HPSE2: variants seen among roughly 807,000 people sequenced by gnomAD.
HPSE2 encodes inactive heparanase-2.
A neutral mutation model predicts 60.5 loss-of-function variants in HPSE2; 38 were observed. The ratio of observed to expected loss-of-function variants is 0.63; its 90% confidence interval spans 0.48 to 0.82. HPSE2 has a LOEUF of 0.82. HPSE2 is among the 40% of genes least tolerant of loss of function. The pLI, the probability that HPSE2 is intolerant of heterozygous loss-of-function variation, is 0.00. For missense variants in HPSE2, 713 were observed against 740.4 expected (o/e 0.96, Z 0.43); for synonymous variants, 295 against 293.2 (o/e 1.01, Z -0.06).
chr10:99,140,227 A>G (rs1489702293), intron 3 of HPSE2, among the ~76,000 whole-genome samples: 1 of 152,222 alleles, frequency 6.6e-6, no homozygotes, highest in Non-Finnish European at 1.5e-5. Context: ...TATTTGCCAC[A>G]GTAACACTAT....
chr10:98,474,598 A>C (rs1940921242), intron 11 of HPSE2, among the ~76,000 whole-genome samples: 1 of 152,208 alleles, frequency 6.6e-6, no homozygotes, highest in South Asian at 2.1e-4. Flanking sequence ...AATGAAAGCA[A>C]AAGTTATATC....
intron 3 of HPSE2, among the ~76,000 whole-genome samples, chr10:98,984,191 C>T (rs1237342965): frequency 2.6e-5 from 4 of 152,220 alleles, no homozygotes; most frequent in African/African-American, 9.7e-5. Flanking sequence ...GGCAGACTGC[C>T]TCCTCAAGCA....
the HPSE2 span, among the ~76,000 whole-genome samples, chr10:99,269,452 T>C: frequency 6.6e-6 from 1 of 152,070 alleles, no homozygotes; most frequent in African/African-American, 2.4e-5. Flanking sequence ...CCCAAATTTA[T>C]ACAGCAATTA....
chr10:98,761,714 C>G (rs1010936270), intron 3 of HPSE2, among the ~76,000 whole-genome samples: 1 of 152,070 alleles, frequency 6.6e-6, no homozygotes, highest in African/African-American at 2.4e-5. Flanking sequence ...GACCTAAGAA[C>G]TCCGAAAAGT....
At chr10:98,500,212 C>T (rs1422405026) in intron 9 of HPSE2, among the ~76,000 whole-genome samples, 2 of 152,124 alleles carry the variant, frequency 1.3e-5, no homozygotes. Flanking sequence ...CCAACGACTG[C>T]AGAATACACA....
chr10:98,582,731 A>C (rs944127000), intron 9 of HPSE2, among the ~76,000 whole-genome samples: 2 of 152,218 alleles, frequency 1.3e-5, no homozygotes, highest in Non-Finnish European at 2.9e-5. Flanking sequence ...CCTTTACTTT[A>C]AAGTAAATAC....
intron 3 of HPSE2, among the ~76,000 whole-genome samples, chr10:98,818,871 G>A (rs1312869124): frequency 6.6e-6 from 1 of 152,150 alleles, no homozygotes; most frequent in Non-Finnish European, 1.5e-5. Flanking sequence ...CACCTTGAAT[G>A]GGAAACAATG....
At position 98,493,461 on chromosome 10, in the gene HPSE2, AT is replaced by A. The variant is rs561940980; in HGVS notation, c.1321-3266del. Among the ~76,000 whole-genome samples, 237 of 152,150 alleles carry A rather than the reference AT, an allele frequency of 1.6e-3. 1 individual carries two copies. The highest frequency in any genetic ancestry group is 5.5e-3 in the African/African-American group (229 of 41,530). On this transcript the variant is annotated intron_variant, in intron 9 of 11. Coordinates refer to ENST00000370552, the MANE Select transcript of HPSE2 (RefSeq NM_021828.5). ...TCAATTCTGGCAACTTTCACTTCAT[AT>A]TTTTTTGTGATCTGTAATCAGGTGT...
At chr10:99,254,558 T>C in the HPSE2 span, among the ~76,000 whole-genome samples, 1 of 152,230 alleles carries the variant, frequency 6.6e-6, no homozygotes, top group Non-Finnish European at 1.5e-5. Flanking sequence ...AAAAAAATTT[T>C]AAAAAGAATA....
the HPSE2 span, among the ~76,000 whole-genome samples, chr10:99,251,651 G>A: frequency 5.8e-4 from 37 of 64,080 alleles, no homozygotes; most frequent in Non-Finnish European, 1.2e-3. Flanking sequence ...GATCACATAG[G>A]CTTATAGGCT....
At chr10:98,625,333 A>C (rs1190364395) in intron 7 of HPSE2, among the ~76,000 whole-genome samples, 1 of 152,226 alleles carries the variant, frequency 6.6e-6, no homozygotes, top group South Asian at 2.1e-4. Flanking sequence ...TTATTTGCCA[A>C]ATCTCAGGAT....
chr10:98,756,125 G>T (rs557630944), intron 3 of HPSE2, among the ~76,000 whole-genome samples: 1 of 152,018 alleles, frequency 6.6e-6, no homozygotes, highest in Non-Finnish European at 1.5e-5. Flanking sequence ...TCTTTAAGAC[G>T]AATGAAAACA....
At chr10:98,740,624 T>C (rs1949473982) in intron 4 of HPSE2, among the ~76,000 whole-genome samples, 1 of 152,222 alleles carries the variant, frequency 6.6e-6, no homozygotes, top group South Asian at 2.1e-4. Flanking sequence ...ACTTAAAGTT[T>C]AGCCACTCTA....
At chr10:98,882,966 G>A (rs990171664) in intron 3 of HPSE2, among the ~76,000 whole-genome samples, 4 of 152,032 alleles carry the variant, frequency 2.6e-5, no homozygotes, top group Non-Finnish European at 5.9e-5. Context: ...GTATGATGCC[G>A]AAGATTGTAT....
At chr10:98,802,531 T>C (rs1320276189) in intron 3 of HPSE2, among the ~76,000 whole-genome samples, 1 of 136,654 alleles carries the variant, frequency 7.3e-6, no homozygotes, top group Non-Finnish European at 1.5e-5. Context: ...CCATGTGTTC[T>C]CATTGTTCAA....
intron 3 of HPSE2, among the ~76,000 whole-genome samples, chr10:98,997,588 T>C (rs1197891516): frequency 6.6e-6 from 1 of 152,234 alleles, no homozygotes; most frequent in Non-Finnish European, 1.5e-5. Context: ...TTCCAGCATT[T>C]GTATTTTATA....
At chr10:98,534,764 T>A (rs1214506293) in intron 9 of HPSE2, among the ~76,000 whole-genome samples, 1 of 152,220 alleles carries the variant, frequency 6.6e-6, no homozygotes, top group Admixed American at 6.5e-5. Context: ...AGCTTAGCAC[T>A]AACAGGTAAG....
upstream of HPSE2, among the ~76,000 whole-genome samples, chr10:99,236,391 G>C (rs1044041732): frequency 6.6e-6 from 1 of 152,012 alleles, no homozygotes; most frequent in Non-Finnish European, 1.5e-5. Context: ...CCCGGGACGC[G>C]CTGGGATAGA....
the HPSE2 span, among the ~76,000 whole-genome samples, chr10:99,254,140 C>G: frequency 1.3e-5 from 2 of 152,162 alleles, no homozygotes; most frequent in Non-Finnish European, 1.5e-5. Context: ...CAATTCACAA[C>G]AGCAAACACA....
Sources: allele counts gnomAD v4.1 joint callset (sites outside exome capture counted in the v4.1 genomes callset), GRCh38; gene constraint gnomAD v4.1.1; transcripts MANE v1.5; gene names NCBI Gene and HGNC (gene_info 2026-07-23, HGNC 2026-07-21).